Variants in MROH2A observed in about 807,000 individuals in gnomAD.
The protein encoded by MROH2A is maestro heat-like repeat-containing protein family member 2A.
A neutral mutation model predicts 200.4 loss-of-function variants in MROH2A; 174 were observed. The ratio of observed to expected loss-of-function variants is 0.87; its 90% CI spans 0.77 to 0.98. MROH2A has a LOEUF of 0.98. MROH2A is among the 50% of genes least tolerant of loss of function. The pLI is 0.00. For synonymous variants in MROH2A, 829 were observed against 840.4 expected (o/e 0.99, Z 0.23); for missense variants, 2,045 against 2,139.6 (o/e 0.96, Z 0.87).
At chr2:233,777,008 G>A (rs891826000), upstream of MROH2A, among the ~76,000 whole-genome samples, 2 of 152,200 alleles carry the variant, frequency 1.3e-5, no homozygotes, top group African/African-American at 2.4e-5. Flanking sequence ...CCAATAGCGA[G>A]CCAATGGCCA....
intron 3 of MROH2A, among the ~76,000 whole-genome samples, chr2:233,784,131 G>T (rs565352321): frequency 9.0e-4 from 136 of 151,928 alleles, no homozygotes; most frequent in African/African-American, 3.2e-3. Context: ...TGTATCATTA[G>T]GTTGCTTATT....
At chr2:233,792,376 G>C (rs1168471137) in intron 5 of MROH2A, among the ~76,000 whole-genome samples, 3 of 150,130 alleles carry the variant, frequency 2.0e-5, no homozygotes, top group Admixed American at 6.6e-5. Flanking sequence ...GCAGTGGCGC[G>C]ATCTCGGCTC....
rs545864514 is a variant in MROH2A, at chr2:233,833,355, T to C, written c.*96T>C. On this transcript the variant is annotated 3_prime_UTR_variant, in exon 42 of 42. Transcript: ENST00000389758. ...GAAGTTTAGTTTGTAGGAAAAACAC[T>C]ATTGTAAAATAACTAGTATCCTTTT... is the stretch of plus-strand genomic sequence containing the variant. 584 of 1,280,482 alleles carry C rather than the reference T, an allele frequency of 4.6e-4. 1 individual carries two copies. Among genetic ancestry groups the C allele is most frequent in the Admixed American group, 8.1e-4 (24 of 29,650 alleles). 79.3% of individuals were successfully genotyped at this position (1,280,482 alleles called of 1,614,324 possible). A position where few individuals can be genotyped will look rare whatever the true frequency, so the allele number is the denominator to read the frequency against.
intron 38 of MROH2A, among the ~76,000 whole-genome samples, chr2:233,830,941 T>C (rs964591044): frequency 4.6e-5 from 7 of 152,094 alleles, no homozygotes; most frequent in African/African-American, 1.2e-4. Flanking sequence ...CACCCAGCAA[T>C]GGTGACCGAG....
In MROH2A at chr2:233,828,959, G is replaced by C. The variant is rs570012777; in HGVS notation, c.4333G>C (p.Val1445Leu). 6.4e-7 allele frequency: 1 copy of C among 1,550,562 alleles called. No homozygotes were observed. Among genetic ancestry groups the C allele is most frequent in the Non-Finnish European group, 8.7e-7 (1 of 1,146,988 alleles). The change falls in exon 37 of 42, where the codon GTG becomes CTG. Residue 1445 changes from valine to leucine, a missense_variant. Val to Leu is a conservative substitution (Grantham distance 32). Coordinates refer to ENST00000389758, the MANE Select transcript of MROH2A (RefSeq NM_001394639.1). The surrounding 1 kb of genome is among the most constrained non-coding windows in gnomAD (Gnocchi z 4.6). Reference sequence around the variant, plus strand: ...CCTGAGGGAGCCCGTGAGCAACAGCGTGACTGCCGAGGGCATGGAGGCCCT... The same window carrying C: ...CCTGAGGGAGCCCGTGAGCAACAGCCTGACTGCCGAGGGCATGGAGGCCCT... ...GPLREPVSNSVTAEGMEALTK... is the reference protein window; with the variant it reads ...GPLREPVSNSLTAEGMEALTK...
chr2:233,800,631 A>ATGTGTATG (rs1553633843), intron 14 of MROH2A, among the ~76,000 whole-genome samples: 5 of 149,854 alleles, frequency 3.3e-5, no homozygotes, highest in Non-Finnish European at 7.4e-5. Context: ...GTGTGTGTGT[A>ATGTGTATG]TGTGTGTGTG....
intron 3 of MROH2A, among the ~76,000 whole-genome samples, chr2:233,782,528 C>T (rs999979164): frequency 1.3e-5 from 2 of 152,162 alleles, no homozygotes; most frequent in African/African-American, 4.8e-5. Flanking sequence ...TGCCATTTGG[C>T]ATATACTAAT....
In MROH2A at chr2:233,818,594, G is replaced by C. The variant is rs187322478; in HGVS notation, c.3086-58G>C. 142 of 1,098,350 alleles carry C rather than the reference G, an allele frequency of 1.3e-4. 1 individual carries two copies. Among genetic ancestry groups the C allele is most frequent in the South Asian group, 1.2e-3 (90 of 74,792 alleles). The allele number at this position is 1,098,350 out of a possible 1,614,324, so 68.0% of individuals were successfully genotyped here. On this transcript the variant is annotated intron_variant, in intron 28 of 41. Transcript: ENST00000389758. ...GCCAGGGCAGGAGGTAGCCACGAAG[G>C]GGGGGTGGCTGGGCCTTTTGTCCCT...
At chr2:233,795,584 A>G (rs1392552536) in intron 8 of MROH2A, 69 bp from the exon 9 acceptor site, 2 of 1,549,390 alleles carry the variant, frequency 1.3e-6, no homozygotes, top group Admixed American at 2.0e-5. Context: ...GCCCCTGAGT[A>G]GCGAGGGTCT....
Position 233,806,889 on chromosome 2 carries a change from C to T in MROH2A, c.2053-534C>T, listed in dbSNP as rs144359818. Among the ~76,000 whole-genome samples, 244 of 152,204 alleles carry T rather than the reference C, an allele frequency of 1.6e-3. 1 individual carries two copies. The highest frequency in any genetic ancestry group is 5.4e-3 in the African/African-American group (226 of 41,534). The stretch of plus-strand genomic sequence containing the variant: ...ATTTGCAAGATTTTGGTGCACCCAT[C>T]GCCCAAGCAGTATACGCTGCACCCA... On this transcript the variant is annotated intron_variant, in intron 19 of 41. Transcript: ENST00000389758.
chr2:233,792,294 G>A (rs982908166), intron 5 of MROH2A, among the ~76,000 whole-genome samples: 7 of 149,516 alleles, frequency 4.7e-5, no homozygotes, highest in African/African-American at 1.5e-4. Context: ...CTTTCTTCCT[G>A]TGTCACCTGC....
Position 233,800,298 on chromosome 2 carries a change from G to C in MROH2A, c.1543G>C (p.Val515Leu). 6.5e-7 allele frequency: 1 copy of C among 1,548,612 alleles called. No individual in the cohort carries two copies. Among genetic ancestry groups the C allele is most frequent in the East Asian group, 2.4e-5 (1 of 40,904 alleles). Residue 515 changes from valine to leucine, a missense_variant, in exon 14 of 42, where the codon GTC (valine) becomes CTC (leucine). Physicochemically the swap from Val to Leu is conservative, Grantham distance 32. Transcript: ENST00000389758. The part of the protein sequence containing the change: ...MDTVKIITSS[V>L]SGMTTEFWVR... ...CACTGTGAAGATCATTACCTCTTCT[G>C]TCAGTGGGATGACCACCGTGAGTGG...
chr2:233,788,630 CCCTCATT>C (rs1406115457), intron 3 of MROH2A, among the ~76,000 whole-genome samples: 1 of 152,182 alleles, frequency 6.6e-6, no homozygotes, highest in African/African-American at 2.4e-5. Flanking sequence ...TAGAAAGTAA[CCCTCATT>C]CCTTAAGAGT....
At chr2:233,811,171 C>T (rs1181301921) in intron 23 of MROH2A, among the ~76,000 whole-genome samples, 1 of 152,212 alleles carries the variant, frequency 6.6e-6, no homozygotes, top group Non-Finnish European at 1.5e-5. Context: ...GTGCCCAGGG[C>T]AGCTGGTTAA....
chr2:233,788,147 T>A lies in MROH2A; in HGVS notation c.277-1350T>A, dbSNP rs1015714146. Among the ~76,000 whole-genome samples the A allele has an allele frequency of 2.8e-5, 3 of 108,640 alleles. 1 individual carries two copies. The Admixed American group carries it at 4.4e-4, about 16-fold the overall frequency. The allele number at this position is 108,640 out of a possible 152,430, so 71.3% of individuals were successfully genotyped here. On this transcript the variant is annotated intron_variant, in intron 3 of 41. Coordinates refer to ENST00000389758, the MANE Select transcript of MROH2A (RefSeq NM_001394639.1). ...ACATATATATTTTATATATATATAA[T>A]ATATATTTTATATATACATATACAT...
At chr2:233,787,347 A>G (rs1701253877) in intron 3 of MROH2A, among the ~76,000 whole-genome samples, 1 of 149,860 alleles carries the variant, frequency 6.7e-6, no homozygotes, top group Non-Finnish European at 1.5e-5. Context: ...GTTAAGTAAA[A>G]CTAGTTCTTG....
chr2:233,776,273 T>G (rs1430218296), upstream of MROH2A, among the ~76,000 whole-genome samples: 5 of 151,856 alleles, frequency 3.3e-5, no homozygotes, highest in African/African-American at 7.3e-5. Flanking sequence ...TGCCATAGAG[T>G]GACAGCACCT....
Position 233,789,834 on chromosome 2 carries a change from C to G in MROH2A, c.409-18C>G. The stretch of plus-strand genomic sequence containing the variant: ...CGGCTGGTGGTGGTGCCATATGTCC[C>G]TCTTCTGTCTCCTGCAGATGGAGGG... On this transcript the variant is annotated intron_variant, in intron 4 of 41. Coordinates refer to ENST00000389758, the MANE Select transcript of MROH2A (RefSeq NM_001394639.1). The G allele has an allele frequency of 1.3e-6, 2 of 1,543,260 alleles. No individual in the cohort carries two copies. Among genetic ancestry groups the G allele is most frequent in the Non-Finnish European group, 1.8e-6 (2 of 1,142,816 alleles).
chr2:233,804,576 T>C lies in MROH2A; in HGVS notation c.1944+29T>C, dbSNP rs973079184. The C allele has an allele frequency of 5.2e-6, 8 of 1,549,904 alleles. No individual in the cohort carries two copies. The East Asian group carries it at 1.5e-4, about 28-fold the overall frequency. ...AACGGGTAACAAGTTTGCTGAGGCC[T>C]GGGAGGAGGAGAAAGATGGGAGCAG... On this transcript the variant is annotated intron_variant, in intron 18 of 41. Transcript: ENST00000389758.
Sources: allele counts gnomAD v4.1 joint callset (sites outside exome capture counted in the v4.1 genomes callset), GRCh38; gene constraint gnomAD v4.1.1; non-coding constraint Gnocchi (gnomAD v3.1); transcripts MANE v1.5; gene names NCBI Gene and HGNC (gene_info 2026-07-23, HGNC 2026-07-21).